Variants in SAXO1 observed in about 807,000 individuals in gnomAD.
SAXO1 encodes the protein stabilizer of axonemal microtubules 1.
Under a neutral mutation model 17.5 loss-of-function variants are expected in SAXO1, and 21 were observed. The ratio of observed to expected loss-of-function variants is 1.20; its 90% CI spans 0.85 to 1.72. The LOEUF (loss-of-function observed/expected upper bound fraction) is 1.72. Ranked by LOEUF, SAXO1 falls within the 40% of genes most tolerant of loss-of-function variation. The pLI, the probability that SAXO1 is intolerant of heterozygous loss-of-function variation, is 0.00. For missense variants in SAXO1, 843 were observed against 596.0 expected (o/e 1.41, Z -4.32); for synonymous variants, 274 against 216.5 (o/e 1.27, Z -2.33).
rs1479884820 is a variant in SAXO1 at position 18,928,792 on chromosome 9, G to T, written c.685C>A (p.Pro229Thr). ...AGGCTTTCAAAGGGGATTTCACAGGGCCTGAACTTCTCTGCTTCATGCACA... is the reference window on the plus strand; with the variant it reads ...AGGCTTTCAAAGGGGATTTCACAGGTCCTGAACTTCTCTGCTTCATGCACA... ...RFVHEAEKFRPCEIPFESLTT... is the reference protein window; with the variant it reads ...RFVHEAEKFRTCEIPFESLTT... The change falls in exon 4 of 4, where the codon CCC (proline) becomes ACC (threonine). Residue 229 changes from proline (P) to threonine (T), a missense_variant. Physicochemically the swap from Pro to Thr is conservative, Grantham distance 38. Transcript: ENST00000380534. The T allele has an allele frequency of 2.5e-6, 4 of 1,614,128 alleles. No homozygotes were observed. The highest frequency in any genetic ancestry group is 3.4e-6 in the Non-Finnish European group (4 of 1,180,028).
intron 1 of SAXO1, among the ~76,000 whole-genome samples, chr9:19,008,253 C>T (rs556409034): frequency 2.2e-4 from 34 of 152,282 alleles, no homozygotes; most frequent in African/African-American, 7.5e-4. Flanking sequence ...GCTGGGATTA[C>T]AGGCCTGAGC....
chr9:18,972,125 C>G (rs1235413362), intron 1 of SAXO1, among the ~76,000 whole-genome samples: 1 of 152,156 alleles, frequency 6.6e-6, no homozygotes, highest in Non-Finnish European at 1.5e-5. Flanking sequence ...ACTGGACCTC[C>G]CAGATGCTGG....
chr9:18,931,997 C>G (rs940151422), intron 3 of SAXO1, among the ~76,000 whole-genome samples: 1 of 152,204 alleles, frequency 6.6e-6, no homozygotes, highest in Non-Finnish European at 1.5e-5. Flanking sequence ...AAACACCCAC[C>G]TGACACCTGA....
At chr9:18,996,490 G>C (rs937041607) in intron 1 of SAXO1, among the ~76,000 whole-genome samples, 1 of 152,178 alleles carries the variant, frequency 6.6e-6, no homozygotes, top group East Asian at 1.9e-4. Context: ...ATGTATCTAA[G>C]CATACAAAAC....
chr9:18,938,838 G>GTGTGTGTATGTGTGTA (rs1831423171), intron 3 of SAXO1, among the ~76,000 whole-genome samples: 1 of 151,064 alleles, frequency 6.6e-6, no homozygotes, highest in African/African-American at 2.4e-5. Context: ...GTGTGTGTGT[G>GTGTGTGTATGTGTGTA]TGTGTGTGTG....
chr9:18,970,694 A>T (rs540310766), intron 1 of SAXO1, among the ~76,000 whole-genome samples: 3 of 152,270 alleles, frequency 2.0e-5, no homozygotes, highest in African/African-American at 7.2e-5. Context: ...AGATTCCTGG[A>T]ACAGTTGCAT....
intron 1 of SAXO1, among the ~76,000 whole-genome samples, chr9:19,018,534 G>A (rs1372031740): frequency 6.6e-6 from 1 of 152,220 alleles, no homozygotes; most frequent in East Asian, 1.9e-4. Context: ...GCTGTTGGAA[G>A]CCTGAAATAC....
chr9:19,014,299 G>A (rs1834874989), intron 1 of SAXO1, among the ~76,000 whole-genome samples: 2 of 151,610 alleles, frequency 1.3e-5, no homozygotes, highest in Non-Finnish European at 1.5e-5. Flanking sequence ...TATCTCTACT[G>A]AAAATACAAA....
Position 18,928,531 on chromosome 9 carries a change from C to T in SAXO1, c.946G>A (p.Gly316Ser), listed in dbSNP as rs116325100. The change falls in exon 4 of 4, where the codon GGT becomes AGT. Residue 316 changes from glycine to serine, a missense_variant. Transcript: ENST00000380534. ...TVQAHYTCPKGAPAQSCRPAL... is the reference protein window; with the variant it reads ...TVQAHYTCPKSAPAQSCRPAL... ...GGTCGGCAGGACTGAGCTGGGGCAC[C>T]CTTAGGGCATGTGTAATGGGCCTGC... 1.1e-5 allele frequency: 18 copies of T among 1,613,964 alleles called. No individual in the cohort carries two copies. In the East Asian group the frequency reaches 2.9e-4, roughly 26 times the overall value.
chr9:18,950,089 A>G (rs974878692), intron 2 of SAXO1, among the ~76,000 whole-genome samples: 6 of 152,282 alleles, frequency 3.9e-5, no homozygotes, highest in African/African-American at 1.4e-4. Context: ...CTTATAGACC[A>G]ACCCTGAACT....
chr9:18,988,531 T>C (rs562117447), intron 1 of SAXO1, among the ~76,000 whole-genome samples: 89 of 152,338 alleles, frequency 5.8e-4, no homozygotes, highest in African/African-American at 2.1e-3. Context: ...TACATCTGTA[T>C]GGCATTCTAC....
upstream of SAXO1, among the ~76,000 whole-genome samples, chr9:19,034,700 T>G (rs1835890034): frequency 1.3e-5 from 2 of 152,112 alleles, no homozygotes. Context: ...AAGTCAGAAC[T>G]CTACAGGGGA....
rs1346978100 is a variant in SAXO1, at chr9:18,928,149, T to A, written c.1328A>T (p.Tyr443Phe). The change falls in exon 4 of 4, where the codon TAC becomes TTC. Residue 443 changes from tyrosine (Y) to phenylalanine (F), a missense_variant. Transcript: ENST00000380534. ...AGAGCCTGCCTGGGAAACTGGTTTG[T>A]ATATCCTGTGACCCAAAGCATCCAC... ...EEVDALGHRIYKPVSQAGSQQ... is the reference protein window; with the variant it reads ...EEVDALGHRIFKPVSQAGSQQ... 6.2e-7 allele frequency: 1 copy of A among 1,614,078 alleles called. No homozygotes were observed. Among genetic ancestry groups the A allele is most frequent in the African/African-American group, 1.3e-5 (1 of 74,926 alleles).
intron 1 of SAXO1, among the ~76,000 whole-genome samples, chr9:18,965,969 T>A (rs1373297680): frequency 1.3e-5 from 2 of 152,224 alleles, no homozygotes; most frequent in African/African-American, 4.8e-5. Flanking sequence ...CATTGGCTTG[T>A]CTGTAAAGGA....
In SAXO1 at chr9:18,956,113, T is replaced by C. The variant is rs1418924301; in HGVS notation, c.39-5176A>G. Among the ~76,000 whole-genome samples the C allele has an allele frequency of 2.6e-3, 350 of 132,986 alleles. 19 individuals carry two copies. The highest frequency in any genetic ancestry group is 8.0e-3 in the Middle Eastern group (2 of 250). 87.2% of individuals were successfully genotyped at this position (132,986 alleles called of 152,430 possible). On this transcript the variant is annotated intron_variant, in intron 1 of 3. Coordinates refer to ENST00000380534, the MANE Select transcript of SAXO1 (RefSeq NM_153707.4). ...GCACCACTGCACAACCTGGCTAATT[T>C]TTTTTTTTTTTTTTTTTTGTAGAAA...
intron 1 of SAXO1, among the ~76,000 whole-genome samples, chr9:18,975,931 C>G (rs1391296792): frequency 2.6e-5 from 4 of 152,158 alleles, no homozygotes; most frequent in African/African-American, 4.8e-5. Context: ...GAACTCCACG[C>G]AAACAGAATT....
At chr9:19,045,884 GGGCGC>G (rs771704392) in intron 1 of SAXO1, among the ~76,000 whole-genome samples, 12 of 151,388 alleles carry the variant, frequency 7.9e-5, no homozygotes, top group Non-Finnish European at 1.5e-4. Context: ...TTTTACTGCC[GGGCGC>G]GGTGGCTCAC....
chr9:19,003,719 C>G (rs558253553), intron 1 of SAXO1, among the ~76,000 whole-genome samples: 11 of 152,190 alleles, frequency 7.2e-5, no homozygotes, highest in African/African-American at 1.4e-4. Context: ...GGACTCCTTC[C>G]TTACACCTTA....
chr9:19,011,848 G>GTTTTTTTTTTTTTTTTTTTTTTTTTT lies in SAXO1; in HGVS notation c.38+21022_38+21023insAAAAAAAAAAAAAAAAAAAAAAAAAA, dbSNP rs10646825. Among the ~76,000 whole-genome samples the GTTTTTTTTTTTTTTTTTTTTTTTTTT allele has an allele frequency of 4.2e-5, 6 of 143,522 alleles. 2 individuals are homozygous for GTTTTTTTTTTTTTTTTTTTTTTTTTT. Among genetic ancestry groups the GTTTTTTTTTTTTTTTTTTTTTTTTTT allele is most frequent in the Non-Finnish European group, 3.0e-5 (2 of 66,496 alleles). The allele number at this position is 143,522 out of a possible 152,430, so 94.2% of individuals were successfully genotyped here. A position where few individuals can be genotyped will look rare whatever the true frequency, so the allele number is the denominator to read the frequency against. On this transcript the variant is annotated intron_variant, in intron 1 of 3. Coordinates refer to ENST00000380534, the MANE Select transcript of SAXO1 (RefSeq NM_153707.4). ...TTCAATTTTACCATTATTAAGCATA[G>GTTTTTTTTTTTTTTTTTTTTTTTTTT]ATTTTTTTTTTTTTTTGAGATGGAG...
Sources: allele counts gnomAD v4.1 joint callset (sites outside exome capture counted in the v4.1 genomes callset), GRCh38; gene constraint gnomAD v4.1.1; transcripts MANE v1.5; gene names NCBI Gene and HGNC (gene_info 2026-07-23, HGNC 2026-07-21).